The following HIVEP1 variants were observed in gnomAD, a reference collection of about 807,000 sequenced individuals.
HIVEP1 encodes the protein zinc finger protein 40.
In HIVEP1, 36 loss-of-function variants were observed where a neutral mutation model predicts 180.0. The ratio of observed to expected loss-of-function variants is 0.20; its 90% CI spans 0.15 to 0.26. The LOEUF (loss-of-function observed/expected upper bound fraction) is 0.26. HIVEP1 is among the 10% of genes least tolerant of loss of function. HIVEP1 has a pLI of 1.00. For missense variants in HIVEP1, 3,143 were observed against 3,268.7 expected, an observed-to-expected ratio of 0.96 and a Z score of 0.94; for synonymous variants, 1,239 against 1,239.0, an observed-to-expected ratio of 1.00 and a Z score of 0.00.
chr6:12,159,803 G>A (rs764004295), intron 7 of HIVEP1, among the ~76,000 whole-genome samples: 5 of 152,158 alleles, frequency 3.3e-5, no homozygotes, highest in Non-Finnish European at 7.3e-5. Flanking sequence ...GAACCTAAAT[G>A]CATGTTTCAT....
At chr6:12,198,166 A>G in the HIVEP1 span, among the ~76,000 whole-genome samples, 1 of 152,146 alleles carries the variant, frequency 6.6e-6, no homozygotes, top group Non-Finnish European at 1.5e-5. Flanking sequence ...GCTAGAGACC[A>G]TAGTCTCTAT....
chr6:12,151,030 G>A (rs576246632), intron 7 of HIVEP1, among the ~76,000 whole-genome samples: 2 of 152,290 alleles, frequency 1.3e-5, no homozygotes, highest in South Asian at 2.1e-4. Context: ...AGGTGTCACT[G>A]TCTGGCAGCA....
intron 2 of HIVEP1, chr6:12,020,367 C>A (rs1436973709): frequency 4.2e-6 from 2 of 471,140 alleles, no homozygotes; most frequent in Admixed American, 4.7e-5. Context: ...GTCCTGGGTT[C>A]CGTGGAGAAG....
chr6:12,015,747 G>C (rs778042173), intron 2 of HIVEP1, 79 bp downstream of exon 2: 10 of 1,326,760 alleles, frequency 7.5e-6, no homozygotes, highest in Non-Finnish European at 1.1e-5. Flanking sequence ...AGGAATGGCC[G>C]TTTGTTAGAT....
At chr6:12,143,779 A>G (rs144547508) in intron 7 of HIVEP1, among the ~76,000 whole-genome samples, 52 of 152,348 alleles carry the variant, frequency 3.4e-4, no homozygotes, top group African/African-American at 1.2e-3. Context: ...GTGAACTCCC[A>G]TTCCCAATTG....
Position 12,129,958 on chromosome 6 carries a change from A to T in HIVEP1, c.6209+66A>T. 1.8e-6 allele frequency: 2 copies of T among 1,141,086 alleles called. 1 individual carries two copies. The highest frequency in any genetic ancestry group is 2.8e-5 in the South Asian group (2 of 70,398). 70.7% of individuals were successfully genotyped at this position (1,141,086 alleles called of 1,614,324 possible). A position where few individuals can be genotyped will look rare whatever the true frequency, so the allele number is the denominator to read the frequency against. Reference sequence around the variant, plus strand: ...ACTTTTTAAATGTACATTTGCTTTCATGTGAATGAAGACTTAGTGCCAATT... The same window carrying T: ...ACTTTTTAAATGTACATTTGCTTTCTTGTGAATGAAGACTTAGTGCCAATT... On this transcript the variant is annotated intron_variant, in intron 5 of 8. Transcript: ENST00000379388.
At chr6:12,016,277 A>T (rs1188512442) in intron 2 of HIVEP1, among the ~76,000 whole-genome samples, 1 of 152,130 alleles carries the variant, frequency 6.6e-6, no homozygotes, top group Non-Finnish European at 1.5e-5. Context: ...ATAGTAGAAA[A>T]GTAAGTGTAT....
In HIVEP1 at chr6:12,105,155, A is replaced by G. The variant is rs1353423217; in HGVS notation, c.95-14735A>G. Among the ~76,000 whole-genome samples, 9 of 152,342 alleles carry G rather than the reference A, an allele frequency of 5.9e-5. No homozygotes were observed. The East Asian group carries it at 1.3e-3, about 23-fold the overall frequency. On this transcript the variant is annotated intron_variant, in intron 3 of 8. Transcript: ENST00000379388. The stretch of plus-strand genomic sequence containing the variant: ...CTAAGATTCATCTTAATTGAGTTTT[A>G]GAGTGTGAGATTTTTGGGGCCATTG...
the HIVEP1 span, among the ~76,000 whole-genome samples, chr6:12,197,886 T>C: frequency 1.3e-5 from 2 of 152,186 alleles, no homozygotes; most frequent in African/African-American, 4.8e-5. Context: ...GTTTGAAAGC[T>C]ATTTAGGAGG....
At chr6:12,209,138 A>T in the HIVEP1 span, among the ~76,000 whole-genome samples, 1 of 152,150 alleles carries the variant, frequency 6.6e-6, no homozygotes, top group African/African-American at 2.4e-5. Flanking sequence ...CACTTATTCA[A>T]AATTACAAAC....
At chr6:12,046,759 C>T (rs1363758337) in intron 2 of HIVEP1, among the ~76,000 whole-genome samples, 2 of 150,366 alleles carry the variant, frequency 1.3e-5, no homozygotes, top group Non-Finnish European at 3.0e-5. Flanking sequence ...AGCCTGGTGA[C>T]AGAGCGAGAC....
intron 2 of HIVEP1, among the ~76,000 whole-genome samples, chr6:12,072,082 CTTCT>C (rs1052725573): frequency 1.6e-5 from 2 of 123,414 alleles, no homozygotes; most frequent in Admixed American, 1.5e-4. Flanking sequence ...ACATATTCTT[CTTCT>C]TTTTTTTTTT....
At chr6:12,113,338 G>A (rs1775022881) in intron 3 of HIVEP1, among the ~76,000 whole-genome samples, 1 of 151,998 alleles carries the variant, frequency 6.6e-6, no homozygotes, top group Non-Finnish European at 1.5e-5. Context: ...CATCTTGAGA[G>A]TTGGGTGTAG....
chr6:12,031,820 A>G (rs1027652281), intron 2 of HIVEP1, among the ~76,000 whole-genome samples: 1 of 151,860 alleles, frequency 6.6e-6, no homozygotes, highest in Non-Finnish European at 1.5e-5. Context: ...TGTGGAGAGG[A>G]TTTGTCACTC....
At chr6:12,086,233 C>T (rs894111788) in intron 2 of HIVEP1, among the ~76,000 whole-genome samples, 9 of 152,098 alleles carry the variant, frequency 5.9e-5, no homozygotes. Context: ...TGGGATCTTT[C>T]TTCCAAGTGA....
intron 3 of HIVEP1, among the ~76,000 whole-genome samples, chr6:12,103,215 TATC>T (rs1774215680): frequency 7.0e-6 from 1 of 143,558 alleles, no homozygotes; most frequent in Middle Eastern, 3.6e-3. Flanking sequence ...ATAATAATAA[TATC>T]AACAGAAGCA....
intron 7 of HIVEP1, among the ~76,000 whole-genome samples, chr6:12,149,535 AT>A (rs2113644481): frequency 6.6e-6 from 1 of 152,282 alleles, no homozygotes; most frequent in South Asian, 2.1e-4. Flanking sequence ...TATAGTACTT[AT>A]TTTTTAAACA....
At chr6:12,180,858 T>C in the HIVEP1 span, among the ~76,000 whole-genome samples, 8,689 of 152,268 alleles carry the variant, frequency 0.057, 822 homozygotes, top group African/African-American at 0.2. Context: ...TGCTTAATGC[T>C]GAATAGGCTT....
intron 3 of HIVEP1, among the ~76,000 whole-genome samples, chr6:12,104,394 G>GTT (rs1319746311): frequency 7.2e-5 from 5 of 69,198 alleles, no homozygotes; most frequent in East Asian, 3.7e-4. Context: ...CTCTCTCTTC[G>GTT]TTTCTCTCTC....
Sources: gnomAD v4.1 joint callset for allele counts (sites outside exome capture counted in the v4.1 genomes callset) on GRCh38, gnomAD v4.1.1 for gene constraint, MANE v1.5 for transcripts, NCBI Gene and HGNC (gene_info 2026-07-23, HGNC 2026-07-21) for gene names.